Variants in SNRNP27 observed in about 807,000 individuals in gnomAD.
SNRNP27 encodes U4/U6.U5 small nuclear ribonucleoprotein 27 kDa protein.
A neutral mutation model predicts 25.1 loss-of-function variants in SNRNP27; 22 were observed. That is an observed-to-expected ratio of 0.88 (90% CI 0.63 to 1.25). The LOEUF (loss-of-function observed/expected upper bound fraction) is 1.25, where lower values mean the gene tolerates loss of function less well. Among genes scored for constraint, SNRNP27 ranks in the 50% most tolerant of loss-of-function variants. The probability of loss-of-function intolerance (pLI) is 0.00; values close to 1 mark genes in which losing one functional copy is unlikely to be tolerated. For synonymous variants in SNRNP27, 66 were observed against 64.9 expected (o/e 1.02, Z -0.08); for missense variants, 150 against 202.3 (o/e 0.74, Z 1.57).
At chr2:69,898,821 T>C (rs143280419) in intron 4 of SNRNP27, among the ~76,000 whole-genome samples, 2 of 152,356 alleles carry the variant, frequency 1.3e-5, no homozygotes, top group East Asian at 3.9e-4. Context: ...CTTTTTTCCC[T>C]TGAATGCCCT....
At position 69,903,182 on chromosome 2, in the gene SNRNP27, G is replaced by T. The variant is rs373638209; in HGVS notation, c.350G>T (p.Gly117Val). ...MGFASFDSTK[G>V]KKVDGSVNAY... ...TGTTTGTTTATTGTTTTTCTTCAGG[G>T]TAAGAAGGTGGATGGCTCTGTAAAT... The change falls in exon 5 of 6, where the codon GGT (glycine) becomes GTT (valine). Residue 117 changes from glycine (G) to valine (V), a missense_variant and splice_region_variant. By Grantham distance (109) the Gly-to-Val change is moderately radical. Around this residue, in one of 2 missense-constraint regions of SNRNP27, gnomAD observed 142 missense variants for 168.6 expected, o/e 0.84. Coordinates refer to ENST00000244227, the MANE Select transcript of SNRNP27 (RefSeq NM_006857.3). 2 of 1,611,640 alleles carry T rather than the reference G, an allele frequency of 1.2e-6. No individual in the cohort carries two copies. Among genetic ancestry groups the T allele is most frequent in the Non-Finnish European group, 1.7e-6 (2 of 1,178,012 alleles).
In SNRNP27 at chr2:69,897,979, ACT is replaced by A. The variant is rs1343305386; in HGVS notation, c.348+526_348+527del. On this transcript the variant is annotated intron_variant, in intron 4 of 5. Coordinates refer to ENST00000244227, the MANE Select transcript of SNRNP27 (RefSeq NM_006857.3). ...GTTATATGTGTGTTTTGGAATAATG[ACT>A]CTGGGGGCAGCATGGAGGACAGATG... Among the ~76,000 whole-genome samples, 6 of 37,906 alleles carry A rather than the reference ACT, an allele frequency of 1.6e-4. 2 individuals carry two copies. Among genetic ancestry groups the A allele is most frequent in the African/African-American group, 8.3e-4 (2 of 2,424 alleles). 24.9% of individuals were successfully genotyped at this position (37,906 alleles called of 152,430 possible).
At chr2:69,903,527 C>G (rs752431038) in intron 5 of SNRNP27, 4 of 332,212 alleles carry the variant, frequency 1.2e-5, no homozygotes, top group Non-Finnish European at 5.6e-6. Context: ...GCTTTGATTT[C>G]ATTATAATTT....
rs1482220755 is a variant in SNRNP27, at chr2:69,903,223, G to A, written c.391G>A (p.Val131Ile). The A allele has an allele frequency of 1.9e-5, 30 of 1,612,842 alleles. No homozygotes were observed. The highest frequency in any genetic ancestry group is 2.5e-5 in the Non-Finnish European group (29 of 1,179,048). ...CTCTGTAAATGCCTATGCCATAAAT[G>A]TCTCTCAGAAGAGGAAGTACAGGTA... ...DGSVNAYAIN[V>I]SQKRKYRQYM... The change falls in exon 5 of 6, where the codon GTC (valine) becomes ATC (isoleucine). Residue 131 changes from valine to isoleucine, a missense_variant. Around this residue, in one of 2 missense-constraint regions of SNRNP27, gnomAD observed 8 missense variants for 33.7 expected, o/e 0.24. Coordinates refer to ENST00000244227, the MANE Select transcript of SNRNP27 (RefSeq NM_006857.3).
In SNRNP27 at chr2:69,904,815, G is replaced by A. The variant is rs1676766133; in HGVS notation, c.*507G>A. 3 of 149,618 alleles carry A rather than the reference G, an allele frequency of 2.0e-5. No homozygotes were observed. The highest frequency in any genetic ancestry group is 1.5e-5 in the Non-Finnish European group (1 of 68,934). 9.3% of individuals were successfully genotyped at this position (149,618 alleles called of 1,614,324 possible). On this transcript the variant is annotated 3_prime_UTR_variant, in exon 6 of 6. Coordinates refer to ENST00000244227, the MANE Select transcript of SNRNP27 (RefSeq NM_006857.3). ...TAACTAGATTTTTCTATCTTCTGTG[G>A]TCGCCCGCCCCCCCCCAAAAAAATA...
chr2:69,894,012 CGGAGG>C lies in SNRNP27; in HGVS notation c.31_34+1del, dbSNP rs1424392172. On this transcript the variant is annotated frameshift_variant and splice_region_variant, in exon 1 of 6. Coordinates refer to ENST00000244227, the MANE Select transcript of SNRNP27 (RefSeq NM_006857.3). LOFTEE classifies it high-confidence loss of function. ...GGGTCGCAGTCGCAGCCGCTCTCCA[CGGAGG>C]GGTGAGTCCTGTAGCAATTCGGAGG... 4.3e-6 allele frequency: 7 copies of C among 1,613,722 alleles called. No homozygotes were observed. The South Asian group carries it at 7.7e-5, about 18-fold the overall frequency.
intron 4 of SNRNP27, 53 bp from the exon 5 acceptor site, chr2:69,903,128 G>T (rs1676738752): frequency 1.4e-6 from 2 of 1,411,478 alleles, no homozygotes; most frequent in Admixed American, 1.7e-5. Flanking sequence ...CATGTATCCT[G>T]ATTTAATGTA....
chr2:69,895,109 G>T lies in SNRNP27; in HGVS notation c.50G>T (p.Arg17Leu), dbSNP rs1233771048. The T allele has an allele frequency of 6.2e-7, 1 of 1,613,330 alleles. No individual in the cohort carries two copies. Among genetic ancestry groups the T allele is most frequent in the East Asian group, 2.2e-5 (1 of 44,888 alleles). ...TTTGCATTAGAACGTAGGCGTTCCCGGTCCACATCCCGGGAGAGAGAACGC... is the reference window on the plus strand; with the variant it reads ...TTTGCATTAGAACGTAGGCGTTCCCTGTCCACATCCCGGGAGAGAGAACGC... ...RSPRRERRRS[R>L]STSRERERRR... The change falls in exon 2 of 6, where the codon CGG becomes CTG. Residue 17 changes from arginine (R) to leucine (L), a missense_variant. Arg to Leu is a moderately radical substitution (Grantham distance 102, BLOSUM62 -2). Transcript: ENST00000244227.
intron 3 of SNRNP27, 47 bp from the exon 4 acceptor site, chr2:69,897,330 A>T: frequency 7.9e-7 from 1 of 1,270,936 alleles, no homozygotes. Context: ...TTATTTATGT[A>T]TATATTTGAA....
intron 4 of SNRNP27, among the ~76,000 whole-genome samples, chr2:69,899,683 G>C (rs533444959): frequency 2.0e-5 from 3 of 152,260 alleles, no homozygotes; most frequent in African/African-American, 7.2e-5. Flanking sequence ...ACCTGCCTTG[G>C]CCTCCCAAAG....
intron 4 of SNRNP27, among the ~76,000 whole-genome samples, chr2:69,902,621 G>T (rs990791517): frequency 7.5e-6 from 1 of 133,542 alleles, no homozygotes; most frequent in Non-Finnish European, 1.6e-5. Flanking sequence ...TCTGCTGCTT[G>T]TGCTGCTGCT....
chr2:69,894,496 C>T lies in SNRNP27; in HGVS notation c.34+478C>T, dbSNP rs185212909. ...TTAAATACTTAATAAATGTTAGATT[C>T]CTGCCCAGGTCATTACAGGGAAATC... is the stretch of plus-strand genomic sequence containing the variant. On this transcript the variant is annotated intron_variant, in intron 1 of 5. Coordinates refer to ENST00000244227, the MANE Select transcript of SNRNP27 (RefSeq NM_006857.3). Among the ~76,000 whole-genome samples the T allele has an allele frequency of 2.0e-5, 3 of 152,148 alleles. No homozygotes were observed. The East Asian group carries it at 5.8e-4, about 29-fold the overall frequency.
chr2:69,895,019 T>C, intron 1 of SNRNP27, 75 bp from the exon 2 acceptor site: 2 of 1,582,614 alleles, frequency 1.3e-6, no homozygotes, highest in Non-Finnish European at 8.6e-7. Flanking sequence ...GTTTGCATTA[T>C]TTTTCTACTG....
In SNRNP27 at chr2:69,903,228, T is replaced by C. The variant is rs1181706784; in HGVS notation, c.396T>C (p.Ser132=). The part of the protein sequence containing the change: ...GSVNAYAINV[S]QKRKYRQYMN... Reference sequence around the variant, plus strand: ...TAAATGCCTATGCCATAAATGTCTCTCAGAAGAGGAAGTACAGGTATGCAT... The same window carrying C: ...TAAATGCCTATGCCATAAATGTCTCCCAGAAGAGGAAGTACAGGTATGCAT... The change falls in exon 5 of 6, where the codon TCT becomes TCC. Residue 132 remains serine (S), a synonymous_variant. Transcript: ENST00000244227. The C allele has an allele frequency of 6.2e-7, 1 of 1,612,804 alleles. No individual in the cohort carries two copies. Among genetic ancestry groups the C allele is most frequent in the South Asian group, 1.1e-5 (1 of 91,048 alleles).
At position 69,895,055 on chromosome 2, in the gene SNRNP27, G is replaced by A. The variant is rs1442219166; in HGVS notation, c.35-39G>A. ...GACGGCGCAGCTCTAGATATTTGAG[G>A]TAATTATCAGTTCTGCAATTTGTGT... On this transcript the variant is annotated intron_variant, in intron 1 of 5. Transcript: ENST00000244227. The A allele has an allele frequency of 3.1e-6, 5 of 1,609,234 alleles. No individual in the cohort carries two copies. The South Asian group carries it at 4.4e-5, about 14-fold the overall frequency.
chr2:69,900,804 T>C (rs1251775950), intron 4 of SNRNP27, among the ~76,000 whole-genome samples: 2 of 152,182 alleles, frequency 1.3e-5, no homozygotes, highest in Non-Finnish European at 2.9e-5. Context: ...CTCTCAGACA[T>C]ATCCCTCCAT....
chr2:69,896,542 A>G lies in SNRNP27; in HGVS notation c.262A>G (p.Ile88Val). ...AGAAACAAAGAGCAAAGAACGGCAG[A>G]TTACTGGTAATGTTATTAGATAAAT... ...TKETKSKERQ[I>V]TEEDLEGKTE... The change falls in exon 3 of 6, where the codon ATT becomes GTT. Residue 88 changes from isoleucine (I) to valine (V), a missense_variant. Around this residue, in one of 2 missense-constraint regions of SNRNP27, gnomAD observed 142 missense variants for 168.6 expected, o/e 0.84. Transcript: ENST00000244227. 1 of 1,599,832 alleles carries G rather than the reference A, an allele frequency of 6.3e-7. No homozygotes were observed. The highest frequency in any genetic ancestry group is 8.5e-7 in the Non-Finnish European group (1 of 1,170,728).
rs1676725343 is a variant in SNRNP27, at chr2:69,902,662, GCTGCTC to G, written c.349-516_349-511del. On this transcript the variant is annotated intron_variant, in intron 4 of 5. Transcript: ENST00000244227. ...TGCTTCTTTTGCTTCTGCTTCTTCT[GCTGCTC>G]CTTCTGCTGCTCCTTCTGCTGCTCT... is the stretch of plus-strand genomic sequence containing the variant. Among the ~76,000 whole-genome samples, 7 of 35,218 alleles carry G rather than the reference GCTGCTC, an allele frequency of 2.0e-4. No homozygotes were observed. The African/African-American group carries it at 3.6e-3, about 18-fold the overall frequency. The allele number at this position is 35,218 out of a possible 152,430, so 23.1% of individuals were successfully genotyped here.
At chr2:69,896,028 A>G (rs1383543099) in intron 2 of SNRNP27, among the ~76,000 whole-genome samples, 1 of 147,654 alleles carries the variant, frequency 6.8e-6, no homozygotes, top group Non-Finnish European at 1.5e-5. Flanking sequence ...GCTGGTCTTG[A>G]ATTCCTAGGC....
Sources: gnomAD v4.1 joint callset for allele counts (sites outside exome capture counted in the v4.1 genomes callset) on GRCh38, gnomAD v4.1.1 for gene constraint, gnomAD v4.1.1 regional missense constraint, MANE v1.5 for transcripts, NCBI Gene and HGNC (gene_info 2026-07-23, HGNC 2026-07-21) for gene names.